GABRB1: variants seen among roughly 807,000 people sequenced by gnomAD.
GABRB1 encodes gamma-aminobutyric acid receptor subunit beta-1.
Under a neutral mutation model 51.6 loss-of-function variants are expected in GABRB1, and 17 were observed. The observed-to-expected ratio is 0.33, with a 90% CI of 0.23 to 0.49. The LOEUF (loss-of-function observed/expected upper bound fraction) is 0.49, where lower values mean the gene tolerates loss of function less well. Among genes scored for constraint, GABRB1 ranks in the 20% least tolerant of loss-of-function variants. The probability of loss-of-function intolerance (pLI) is 0.99; values close to 1 mark genes in which losing one functional copy is unlikely to be tolerated. For missense variants in GABRB1, 410 were observed against 600.6 expected, an observed-to-expected ratio of 0.68 and a Z score of 3.32; for synonymous variants, 247 against 218.9, an observed-to-expected ratio of 1.13 and a Z score of -1.14.
chr4:47,300,125 G>A (rs1724195008), intron 4 of GABRB1, among the ~76,000 whole-genome samples: 2 of 150,972 alleles, frequency 1.3e-5, no homozygotes, highest in South Asian at 4.2e-4. Context: ...AGCATTAGGA[G>A]ATATACCTAA....
intron 3 of GABRB1, among the ~76,000 whole-genome samples, chr4:47,126,189 GA>G (rs1389329012): frequency 6.6e-6 from 1 of 152,052 alleles, no homozygotes; most frequent in Non-Finnish European, 1.5e-5. Flanking sequence ...GCTGGGCACA[GA>G]AAGACAAATA....
At chr4:47,055,742 A>C (rs10015366) in intron 3 of GABRB1, among the ~76,000 whole-genome samples, 1 of 152,010 alleles carries the variant, frequency 6.6e-6, no homozygotes, top group African/African-American at 2.4e-5. Flanking sequence ...CTACTCTCTC[A>C]TGTTTAGACT....
chr4:47,031,379 G>A, upstream of GABRB1: 14 of 493,940 alleles, frequency 2.8e-5, no homozygotes, highest in South Asian at 3.2e-4. Flanking sequence ...AGGAAACTCC[G>A]TTTACACATG....
At chr4:47,308,163 T>A (rs555747358) in intron 4 of GABRB1, among the ~76,000 whole-genome samples, 1 of 152,184 alleles carries the variant, frequency 6.6e-6, no homozygotes, top group Admixed American at 6.6e-5. Flanking sequence ...TAAAGTATAC[T>A]GTTTCCCATT....
intron 1 of GABRB1, among the ~76,000 whole-genome samples, chr4:47,019,596 C>A (rs183957245): frequency 9.0e-4 from 122 of 136,310 alleles, no homozygotes; most frequent in African/African-American, 3.3e-3. Context: ...CTCCCTCCCT[C>A]CCTTCCTCCC....
At chr4:47,147,382 A>AT (rs1479290027) in intron 3 of GABRB1, among the ~76,000 whole-genome samples, 1 of 151,392 alleles carries the variant, frequency 6.6e-6, no homozygotes, top group Non-Finnish European at 1.5e-5. Context: ...GCTATTTTTA[A>AT]TTTTTTCTTA....
intron 5 of GABRB1, among the ~76,000 whole-genome samples, chr4:47,338,815 G>A (rs962215195): frequency 6.6e-6 from 1 of 152,136 alleles, no homozygotes; most frequent in Non-Finnish European, 1.5e-5. Flanking sequence ...TCCACTATTT[G>A]TTGCACTGAA....
At chr4:47,005,641 T>A (rs1233088131) in intron 1 of GABRB1, among the ~76,000 whole-genome samples, 3 of 150,488 alleles carry the variant, frequency 2.0e-5, no homozygotes, top group Non-Finnish European at 4.4e-5. Context: ...AGTCAGCTTT[T>A]TTTAAGCCTC....
At chr4:47,132,303 T>C (rs1029619498) in intron 3 of GABRB1, among the ~76,000 whole-genome samples, 3 of 152,220 alleles carry the variant, frequency 2.0e-5, no homozygotes, top group Non-Finnish European at 4.4e-5. Context: ...AATATTCTCA[T>C]CTTAGAATTA....
intron 8 of GABRB1, among the ~76,000 whole-genome samples, chr4:47,409,784 A>C (rs538101891): frequency 6.6e-6 from 1 of 152,346 alleles, no homozygotes; most frequent in Admixed American, 6.5e-5. Context: ...ATTTATTCAG[A>C]TAAAATAAAA....
chr4:47,425,813 C>T lies in GABRB1; in HGVS notation c.1220C>T (p.Pro407Leu), dbSNP rs760363817. Residue 407 changes from proline (P) to leucine (L), a missense_variant, in exon 9 of 9, where the codon CCC (proline) becomes CTC (leucine). Pro to Leu is a moderately conservative substitution (Grantham distance 98). Coordinates refer to ENST00000295454, the MANE Select transcript of GABRB1 (RefSeq NM_000812.4). ...YDSASIQYRK[P>L]LSSREAYGRA... ...AGCGCCAGCATCCAGTACCGCAAGC[C>T]CCTGAGCAGCCGCGAGGCCTACGGG... 1.2e-6 allele frequency: 2 copies of T among 1,614,162 alleles called. No homozygotes were observed. Among genetic ancestry groups the T allele is most frequent in the Non-Finnish European group, 8.5e-7 (1 of 1,180,018 alleles).
chr4:47,114,666 T>C (rs2109635378), intron 3 of GABRB1, among the ~76,000 whole-genome samples: 1 of 152,334 alleles, frequency 6.6e-6, no homozygotes, highest in African/African-American at 2.4e-5. Context: ...ACAGGCATTT[T>C]AATGAGAATC....
chr4:46,997,453 T>G (rs1577809450), intron 1 of GABRB1, among the ~76,000 whole-genome samples: 1 of 150,668 alleles, frequency 6.6e-6, no homozygotes, highest in Non-Finnish European at 1.5e-5. Context: ...ATAACTTTCT[T>G]ATACATAACT....
At chr4:47,387,338 G>A (rs896877252) in intron 5 of GABRB1, among the ~76,000 whole-genome samples, 3 of 152,092 alleles carry the variant, frequency 2.0e-5, no homozygotes, top group African/African-American at 7.2e-5. Context: ...TTTTTATGGT[G>A]TTATGCACTT....
At chr4:46,997,524 A>G (rs1724038485) in intron 1 of GABRB1, among the ~76,000 whole-genome samples, 1 of 151,886 alleles carries the variant, frequency 6.6e-6, no homozygotes, top group African/African-American at 2.4e-5. Flanking sequence ...CTCCTTTGGT[A>G]ACTACCATTC....
At chr4:47,297,221 C>T (rs1002023660) in intron 4 of GABRB1, among the ~76,000 whole-genome samples, 14 of 149,172 alleles carry the variant, frequency 9.4e-5, no homozygotes, top group African/African-American at 3.5e-4. Flanking sequence ...AGAGCAAACA[C>T]ATTCAAAAGC....
intron 3 of GABRB1, among the ~76,000 whole-genome samples, chr4:47,128,062 A>T (rs1716241809): frequency 6.6e-6 from 1 of 151,756 alleles, no homozygotes; most frequent in African/African-American, 2.4e-5. Context: ...TCCAGTGAAA[A>T]GGCAGAGGGT....
At chr4:47,379,397 A>G (rs559658725) in intron 5 of GABRB1, among the ~76,000 whole-genome samples, 1 of 152,326 alleles carries the variant, frequency 6.6e-6, no homozygotes, top group Non-Finnish European at 1.5e-5. Flanking sequence ...TAAATTACCT[A>G]GGATATTCAA....
In GABRB1 at chr4:47,322,261, T is replaced by C. The variant is rs1026986094; in HGVS notation, c.544+2052T>C. Among the ~76,000 whole-genome samples, 6 of 152,274 alleles carry C rather than the reference T, an allele frequency of 3.9e-5. No individual in the cohort carries two copies. In the East Asian group the frequency reaches 1.2e-3, roughly 29 times the overall value. ...AGATGCAACTAGTTGTCTAGACATA[T>C]AGATGAACACAGTAACTGAGACACT... On this transcript the variant is annotated intron_variant, in intron 5 of 8. Transcript: ENST00000295454.
Sources: gnomAD v4.1 joint callset for allele counts (sites outside exome capture counted in the v4.1 genomes callset) on GRCh38, gnomAD v4.1.1 for gene constraint, MANE v1.5 for transcripts, NCBI Gene and HGNC (gene_info 2026-07-23, HGNC 2026-07-21) for gene names.